MAPK10: variants seen among roughly 807,000 people sequenced by gnomAD.
MAPK10 encodes the protein JNK3 alpha protein kinase.
In MAPK10, 25 loss-of-function variants were observed where a neutral mutation model predicts 59.3. The ratio of observed to expected loss-of-function variants is 0.42; its 90% CI spans 0.31 to 0.59. The LOEUF (loss-of-function observed/expected upper bound fraction) is 0.59, where lower values mean the gene tolerates loss of function less well. Ranked by LOEUF, MAPK10 falls within the 20% of genes least tolerant of loss-of-function variation. The pLI is 0.15. For synonymous variants in MAPK10, 190 were observed against 200.5 expected (o/e 0.95, Z 0.44); for missense variants, 351 against 568.9 (o/e 0.62, Z 3.90).
intron 1 of MAPK10, among the ~76,000 whole-genome samples, chr4:86,540,274 G>T (rs1276376316): frequency 1.3e-5 from 2 of 152,228 alleles, no homozygotes; most frequent in Non-Finnish European, 1.5e-5. Context: ...GCCAAGCTGG[G>T]CAGATCCCTT....
chr4:86,117,535 C>T (rs1024215384), intron 4 of MAPK10: 12 of 152,232 alleles, frequency 7.9e-5, no homozygotes, highest in African/African-American at 2.6e-4. Flanking sequence ...ACTGAACTTC[C>T]ATCTGACTCT....
At chr4:86,062,833 A>G (rs2148984085) in intron 11 of MAPK10, among the ~76,000 whole-genome samples, 1 of 152,288 alleles carries the variant, frequency 6.6e-6, no homozygotes, top group Non-Finnish European at 1.5e-5. Flanking sequence ...CATCTGTGCA[A>G]GTATTTCCCA....
chr4:86,435,370 G>A (rs1040641546), intron 1 of MAPK10, among the ~76,000 whole-genome samples: 35 of 151,818 alleles, frequency 2.3e-4, no homozygotes, highest in African/African-American at 3.4e-4. Flanking sequence ...CGTGGCAGGC[G>A]CCTGTGATCC....
At chr4:86,310,916 CT>C (rs1172893726) in intron 2 of MAPK10, among the ~76,000 whole-genome samples, 1 of 151,998 alleles carries the variant, frequency 6.6e-6, no homozygotes, top group Non-Finnish European at 1.5e-5. Flanking sequence ...TAGAACATTA[CT>C]TTTAAGATGG....
At chr4:86,502,259 G>A (rs895112541) in intron 1 of MAPK10, among the ~76,000 whole-genome samples, 3 of 151,788 alleles carry the variant, frequency 2.0e-5, no homozygotes, top group Admixed American at 6.6e-5. Context: ...ATATTTTTGT[G>A]TTATAAATTA....
intron 1 of MAPK10, among the ~76,000 whole-genome samples, chr4:86,562,230 G>A (rs1760733268): frequency 6.6e-6 from 1 of 152,142 alleles, no homozygotes; most frequent in Non-Finnish European, 1.5e-5. Context: ...AGTGAGCTGT[G>A]ATCATGCCAC....
At chr4:86,330,558 T>C (rs1490443143) in intron 2 of MAPK10, among the ~76,000 whole-genome samples, 1 of 151,896 alleles carries the variant, frequency 6.6e-6, no homozygotes, top group Non-Finnish European at 1.5e-5. Context: ...GGTGAGTGAG[T>C]TCTCAGGAGA....
intron 1 of MAPK10, among the ~76,000 whole-genome samples, chr4:86,451,770 A>G (rs1186673555): frequency 6.6e-6 from 1 of 152,198 alleles, no homozygotes; most frequent in Non-Finnish European, 1.5e-5. Context: ...GCAGTCATTC[A>G]TTAAGGCTGG....
At chr4:86,033,677 A>G (rs1357765924) in intron 11 of MAPK10, among the ~76,000 whole-genome samples, 2 of 152,224 alleles carry the variant, frequency 1.3e-5, no homozygotes, top group Non-Finnish European at 2.9e-5. Flanking sequence ...TTTTCCTTTC[A>G]ACAAACCAAG....
In MAPK10 at chr4:86,441,869, C is replaced by G. The variant is rs139023046; in HGVS notation, c.-122+11161G>C. Among the ~76,000 whole-genome samples the G allele has an allele frequency of 3.3e-3, 500 of 152,290 alleles. 1 individual carries two copies. The highest frequency in any genetic ancestry group is 0.012 in the African/African-American group (483 of 41,540). On this transcript the variant is annotated intron_variant, in intron 1 of 13. Transcript: ENST00000361569. ...CTGGTATTTTGTTAATGAATAGAAA[C>G]AGTAGTAAATTCCACTAGCATTTTG...
At chr4:86,288,121 T>C (rs1015924174) in intron 2 of MAPK10, among the ~76,000 whole-genome samples, 1 of 152,178 alleles carries the variant, frequency 6.6e-6, no homozygotes, top group African/African-American at 2.4e-5. Flanking sequence ...AGCTTCACCA[T>C]GGGTAAAATA....
At chr4:86,540,733 G>A (rs1758622186) in intron 1 of MAPK10, among the ~76,000 whole-genome samples, 1 of 151,862 alleles carries the variant, frequency 6.6e-6, no homozygotes, top group South Asian at 2.1e-4. Flanking sequence ...AGGGAAAAAA[G>A]AGAAGAAAGT....
chr4:86,557,846 C>G (rs895611455), intron 1 of MAPK10, among the ~76,000 whole-genome samples: 5 of 152,174 alleles, frequency 3.3e-5, no homozygotes, highest in African/African-American at 1.2e-4. Context: ...TATATACACT[C>G]CTTCTGTTGG....
intron 4 of MAPK10, among the ~76,000 whole-genome samples, chr4:86,150,223 T>C (rs773218688): frequency 6.6e-6 from 1 of 152,194 alleles, no homozygotes; most frequent in Non-Finnish European, 1.5e-5. Context: ...TGTATGTTCT[T>C]ACTCAAAAGT....
At chr4:86,041,655 C>T (rs543121321) in intron 11 of MAPK10, among the ~76,000 whole-genome samples, 8 of 152,178 alleles carry the variant, frequency 5.3e-5, no homozygotes, top group African/African-American at 1.7e-4. Flanking sequence ...AAAAAGTGGG[C>T]GAAGGACATG....
chr4:86,060,175 T>A (rs2045460971), intron 11 of MAPK10, among the ~76,000 whole-genome samples: 1 of 152,202 alleles, frequency 6.6e-6, no homozygotes, highest in African/African-American at 2.4e-5. Flanking sequence ...TAGTCAAGAA[T>A]TGAGGAATCA....
At chr4:86,081,991 C>G (rs1007405725) in intron 9 of MAPK10, 4 of 151,894 alleles carry the variant, frequency 2.6e-5, no homozygotes, top group African/African-American at 7.3e-5. Flanking sequence ...AATGAGTTAA[C>G]TATGTCCAGT....
chr4:86,069,466 A>G (rs1281972627), intron 9 of MAPK10, among the ~76,000 whole-genome samples: 2 of 152,238 alleles, frequency 1.3e-5, no homozygotes, highest in East Asian at 1.9e-4. Context: ...GAGAAAATAC[A>G]GCAGTAATTC....
intron 2 of MAPK10, among the ~76,000 whole-genome samples, chr4:86,214,527 A>C (rs569124801): frequency 1.8e-4 from 26 of 145,242 alleles, no homozygotes; most frequent in African/African-American, 7.1e-4. Context: ...AAAAAAAAAA[A>C]AAAAAAAACT....
Sources: allele counts gnomAD v4.1 joint callset (sites outside exome capture counted in the v4.1 genomes callset), GRCh38; gene constraint gnomAD v4.1.1; transcripts MANE v1.5; gene names NCBI Gene and HGNC (gene_info 2026-07-23, HGNC 2026-07-21).